PCDH15: variants seen among roughly 807,000 people sequenced by gnomAD.
PCDH15 encodes protocadherin-15.
In PCDH15, 129 loss-of-function variants were observed where a neutral mutation model predicts 178.5. The ratio of observed to expected loss-of-function variants is 0.72; its 90% CI spans 0.63 to 0.84. PCDH15 has a LOEUF of 0.84. PCDH15 is among the 40% of genes least tolerant of loss of function. The pLI, the probability that PCDH15 is intolerant of heterozygous loss-of-function variation, is 0.00. For missense variants in PCDH15, 2,230 were observed against 2,099.9 expected, an observed-to-expected ratio of 1.06 and a Z score of -1.21; for synonymous variants, 800 against 732.0, an observed-to-expected ratio of 1.09 and a Z score of -1.50.
intron 2 of PCDH15, among the ~76,000 whole-genome samples, chr10:55,507,985 A>C (rs1349130838): frequency 6.6e-6 from 1 of 151,738 alleles, no homozygotes; most frequent in African/African-American, 2.4e-5. Flanking sequence ...ATAATATCAG[A>C]ACTTGTAACT....
chr10:54,522,631 G>A (rs1259807020), intron 3 of PCDH15, among the ~76,000 whole-genome samples: 1 of 152,192 alleles, frequency 6.6e-6, no homozygotes, highest in Non-Finnish European at 1.5e-5. Context: ...CTATCTCCAT[G>A]TGGAAAGTGG....
chr10:54,420,553 T>A (rs1437482508), intron 3 of PCDH15, among the ~76,000 whole-genome samples: 2 of 152,080 alleles, frequency 1.3e-5, no homozygotes, highest in Non-Finnish European at 1.5e-5. Flanking sequence ...TTGGGTGTGG[T>A]CTAAATGAAT....
chr10:53,941,070 T>A (rs186224435), intron 23 of PCDH15, 95 bp from the exon 24 acceptor site: 1 of 839,094 alleles, frequency 1.2e-6, no homozygotes, highest in African/African-American at 1.7e-5. Context: ...ATAAGAGATT[T>A]CTGATATACC....
At chr10:55,082,753 ATAAT>A (rs1236047717) in intron 2 of PCDH15, among the ~76,000 whole-genome samples, 2 of 151,936 alleles carry the variant, frequency 1.3e-5, no homozygotes, top group Non-Finnish European at 2.9e-5. Flanking sequence ...AATTCAAAAG[ATAAT>A]TAGAGACTAC....
At chr10:55,212,835 CCTA>C (rs1186846848) in intron 1 of PCDH15, among the ~76,000 whole-genome samples, 2 of 151,940 alleles carry the variant, frequency 1.3e-5, no homozygotes, top group African/African-American at 4.8e-5. Flanking sequence ...TGGCTATAGT[CCTA>C]CTTTCTATTC....
At chr10:54,633,413 T>C (rs1307498817) in intron 2 of PCDH15, among the ~76,000 whole-genome samples, 1 of 152,102 alleles carries the variant, frequency 6.6e-6, no homozygotes, top group Non-Finnish European at 1.5e-5. Context: ...TGCATGAACC[T>C]GAAAGTTGCA....
chr10:55,543,216 C>T (rs899286335), intron 2 of PCDH15, among the ~76,000 whole-genome samples: 1 of 150,158 alleles, frequency 6.7e-6, no homozygotes, highest in Non-Finnish European at 1.5e-5. Context: ...TTTGTGTATA[C>T]ACATAATTAT....
At chr10:53,823,103 G>A (rs141047017) in intron 32 of PCDH15, 1 of 1,614,028 alleles carries the variant, frequency 6.2e-7, no homozygotes, top group Non-Finnish European at 8.5e-7. Context: ...TCTGTGAAAT[G>A]TCTGAATTTG....
intron 2 of PCDH15, among the ~76,000 whole-genome samples, chr10:55,137,399 T>A (rs1838222668): frequency 6.6e-6 from 1 of 152,144 alleles, no homozygotes; most frequent in African/African-American, 2.4e-5. Context: ...GGCTACACCA[T>A]GTAGCCTAGG....
At chr10:53,888,309 T>TATATATATATATATAC (rs59199185) in intron 26 of PCDH15, among the ~76,000 whole-genome samples, 1 of 107,810 alleles carries the variant, frequency 9.3e-6, no homozygotes, top group Non-Finnish European at 1.8e-5. Flanking sequence ...TATATATATA[T>TATATATATATATATAC]GTATATATGT....
chr10:53,903,566 C>T (rs2082472013), intron 25 of PCDH15, among the ~76,000 whole-genome samples, 196 bp from the exon 26 acceptor site: 1 of 152,094 alleles, frequency 6.6e-6, no homozygotes. Context: ...TGTTAAGTTG[C>T]TGTTATTTCT....
At chr10:55,162,991 T>C (rs990200282) in intron 2 of PCDH15, among the ~76,000 whole-genome samples, 3 of 152,168 alleles carry the variant, frequency 2.0e-5, no homozygotes, top group Non-Finnish European at 2.9e-5. Flanking sequence ...TACAGACTTT[T>C]GCATTTCTGA....
At chr10:54,561,540 C>G (rs947164029) in intron 2 of PCDH15, among the ~76,000 whole-genome samples, 2 of 151,914 alleles carry the variant, frequency 1.3e-5, no homozygotes, top group Non-Finnish European at 1.5e-5. Flanking sequence ...TGTTGGTTTT[C>G]CCAGATATAT....
chr10:55,366,445 A>C (rs1588958072), intron 2 of PCDH15, among the ~76,000 whole-genome samples: 1 of 152,174 alleles, frequency 6.6e-6, no homozygotes, highest in African/African-American at 2.4e-5. Context: ...ATTCCTATGT[A>C]CCCTGGATAA....
At chr10:53,968,274 C>T (rs968869352) in intron 21 of PCDH15, among the ~76,000 whole-genome samples, 3 of 152,154 alleles carry the variant, frequency 2.0e-5, no homozygotes, top group Admixed American at 6.5e-5. Context: ...AGTCTGAGAT[C>T]GAACTGCAAG....
intron 23 of PCDH15, among the ~76,000 whole-genome samples, chr10:53,950,925 TCTCAGATCTTCAACTA>T (rs1195712579): frequency 3.7e-4 from 56 of 152,292 alleles, no homozygotes; most frequent in African/African-American, 1.3e-3. Flanking sequence ...AGAGTATGCC[TCTCAGATCTTCAACTA>T]CAGGAAGCAC....
intron 2 of PCDH15, among the ~76,000 whole-genome samples, chr10:55,063,369 C>T (rs1841486118): frequency 6.6e-6 from 1 of 151,946 alleles, no homozygotes; most frequent in African/African-American, 2.4e-5. Flanking sequence ...TCTATTTTTT[C>T]CTCTCACATT....
chr10:54,226,111 G>C (rs1335072868), intron 9 of PCDH15, among the ~76,000 whole-genome samples: 4 of 152,126 alleles, frequency 2.6e-5, no homozygotes, highest in Non-Finnish European at 5.9e-5. Context: ...TTTTCACACT[G>C]GTGAAAAGAC....
intron 2 of PCDH15, among the ~76,000 whole-genome samples, chr10:55,511,325 G>T (rs557434885): frequency 6.6e-6 from 1 of 152,004 alleles, no homozygotes; most frequent in Non-Finnish European, 1.5e-5. Context: ...ATGTGCTCCT[G>T]ATTACCTTGT....
Sources: allele counts gnomAD v4.1 joint callset (sites outside exome capture counted in the v4.1 genomes callset), GRCh38; gene constraint gnomAD v4.1.1; transcripts MANE v1.5; gene names NCBI Gene and HGNC (gene_info 2026-07-23, HGNC 2026-07-21).